SYNE2: variants seen among roughly 807,000 people sequenced by gnomAD.
The protein encoded by SYNE2 is spectrin repeat containing nuclear envelope protein 2.
A neutral mutation model predicts 856.3 loss-of-function variants in SYNE2; 431 were observed. The ratio of observed to expected loss-of-function variants is 0.50; its 90% CI spans 0.47 to 0.55. SYNE2 has a LOEUF of 0.55. SYNE2 is among the 20% of genes least tolerant of loss of function. The pLI is 0.00. For missense variants in SYNE2, 8,129 were observed against 8,023.2 expected (o/e 1.01, Z -0.50); for synonymous variants, 2,923 against 2,872.3 (o/e 1.02, Z -0.56).
At chr14:64,096,644 T>C (rs1418526243) in intron 61 of SYNE2, among the ~76,000 whole-genome samples, 1 of 152,182 alleles carries the variant, frequency 6.6e-6, no homozygotes, top group Non-Finnish European at 1.5e-5. Flanking sequence ...CACAGAAATT[T>C]TGACTTCAGA....
intron 1 of SYNE2, among the ~76,000 whole-genome samples, chr14:63,847,192 A>G (rs1171920290): frequency 6.6e-6 from 1 of 151,440 alleles, no homozygotes; most frequent in Non-Finnish European, 1.5e-5. Context: ...CGCCTATAGT[A>G]CCAGTACTTT....
chr14:64,209,949 A>T lies in SYNE2; in HGVS notation c.18548A>T (p.Gln6183Leu), dbSNP rs2140153505. The T allele has an allele frequency of 6.2e-7, 1 of 1,614,100 alleles. No homozygotes were observed. The highest frequency in any genetic ancestry group is 1.1e-5 in the South Asian group (1 of 91,084). ...CCCTCCCATGTGATGCAGGCCTTTC[A>T]GCGGCAGATTCATGAGCGGCTCACT... ...KEELKRFEAF[Q>L]RQIHERLTQL... The change falls in exon 103 of 116, where the codon CAG (glutamine) becomes CTG (leucine). Residue 6183 changes from glutamine (Q) to leucine (L), a missense_variant. By Grantham distance (113) the Gln-to-Leu change is moderately radical. Around this residue, in one of 3 missense-constraint regions of SYNE2, gnomAD observed 5,410 missense variants for 5,284.8 expected, o/e 1.02. Coordinates refer to ENST00000555002, the MANE Select transcript of SYNE2 (RefSeq NM_182914.3).
intron 7 of SYNE2, among the ~76,000 whole-genome samples, chr14:63,950,553 TCACACA>T (rs537515162): frequency 6.6e-6 from 1 of 151,694 alleles, no homozygotes; most frequent in Non-Finnish European, 1.5e-5. Context: ...GAAACTCTTG[TCACACA>T]CACACACATA....
At chr14:64,103,996 C>G (rs555979615) in intron 64 of SYNE2, among the ~76,000 whole-genome samples, 13 of 152,178 alleles carry the variant, frequency 8.5e-5, no homozygotes, top group African/African-American at 1.2e-4. Flanking sequence ...ACACCTGATA[C>G]GATTTCATGA....
intron 109 of SYNE2, 84 bp from the exon 110 acceptor site, chr14:64,219,124 T>TTTTTAA: frequency 4.7e-6 from 4 of 845,410 alleles, no homozygotes; most frequent in African/African-American, 1.9e-5. Context: ...TTTTTTTTTT[T>TTTTTAA]AACCACCCTG....
At chr14:63,961,494 C>T (rs1566917573) in intron 8 of SYNE2, 31 bp from the exon 9 acceptor site, 1 of 1,541,590 alleles carries the variant, frequency 6.5e-7, no homozygotes, top group East Asian at 2.2e-5. Flanking sequence ...AAATGTGTAA[C>T]AGCTAATTGA....
chr14:63,771,760 G>C lies in SYNE2; in HGVS notation c.-305+9774G>C, dbSNP rs184400135. Among the ~76,000 whole-genome samples, 398 of 152,144 alleles carry C rather than the reference G, an allele frequency of 2.6e-3. 4 individuals carry two copies. Among genetic ancestry groups the C allele is most frequent in the African/African-American group, 9.4e-3 (390 of 41,520 alleles). On this transcript the variant is annotated intron_variant, in intron 1 of 23. Transcript: ENST00000674003. Reference sequence around the variant, plus strand: ...TAAAAAAATAACGAAAATTAGCTGGGTGTGTGTGTGCCTGTAATTCCAGCT... The same window carrying C: ...TAAAAAAATAACGAAAATTAGCTGGCTGTGTGTGTGCCTGTAATTCCAGCT...
rs1439073887 is a variant in SYNE2 at position 64,021,770 on chromosome 14, T to C, written c.5353-87T>C. 29 of 1,461,968 alleles carry C rather than the reference T, an allele frequency of 2.0e-5. 1 individual carries two copies. Among genetic ancestry groups the C allele is most frequent in the Non-Finnish European group, 2.6e-5 (27 of 1,049,376 alleles). The allele number at this position is 1,461,968 out of a possible 1,614,324, so 90.6% of individuals were successfully genotyped here. The stretch of plus-strand genomic sequence containing the variant: ...CCACTCAACAGAGAGTCATTGAGAT[T>C]TTTACAAAACAATTGAGATCTAATA... On this transcript the variant is annotated intron_variant, in intron 36 of 115. Transcript: ENST00000555002.
At chr14:64,156,696 T>TG (rs1221370179) in intron 85 of SYNE2, among the ~76,000 whole-genome samples, 8 of 152,012 alleles carry the variant, frequency 5.3e-5, no homozygotes, top group African/African-American at 1.9e-4. Flanking sequence ...TGACCTTAGG[T>TG]GATCCAACCA....
intron 2 of SYNE2, among the ~76,000 whole-genome samples, chr14:63,911,402 C>T (rs2095472046): frequency 6.6e-6 from 1 of 152,184 alleles, no homozygotes; most frequent in South Asian, 2.1e-4. Context: ...TTATACATAT[C>T]AAGTAATATT....
chr14:63,999,928 A>G (rs1374228430), intron 27 of SYNE2, among the ~76,000 whole-genome samples: 1 of 152,224 alleles, frequency 6.6e-6, no homozygotes, highest in African/African-American at 2.4e-5. Context: ...TGTTTTCATC[A>G]CAATTAAGCA....
chr14:64,002,806 A>G lies in SYNE2; in HGVS notation c.3873A>G (p.Pro1291=), dbSNP rs1327345507. The G allele has an allele frequency of 6.2e-7, 1 of 1,604,636 alleles. No individual in the cohort carries two copies. Among genetic ancestry groups the G allele is most frequent in the Non-Finnish European group, 8.5e-7 (1 of 1,176,044 alleles). The stretch of plus-strand genomic sequence containing the variant: ...ACTTTGTATTAAAGGAGTTACACCC[A>G]TTTGATCTACACGCAATGCAGAATA... ...PGNFVLKELH[P]FDLHAMQNII... Residue 1291 remains proline, a synonymous_variant, in exon 30 of 116, where the codon CCA becomes CCG. Transcript: ENST00000555002.
At chr14:64,173,407 C>T (rs2098420011) in intron 94 of SYNE2, among the ~76,000 whole-genome samples, 1 of 152,096 alleles carries the variant, frequency 6.6e-6, no homozygotes, top group African/African-American at 2.4e-5. Context: ...GTTGCTGTTT[C>T]TCTTATTTGT....
intron 107 of SYNE2, chr14:64,215,981 A>G (rs2098664507): frequency 1.4e-6 from 2 of 1,395,740 alleles, no homozygotes; most frequent in Non-Finnish European, 1.9e-6. Context: ...TGTCCCTACC[A>G]CTCGAGACCC....
At position 64,132,439 on chromosome 14, in the gene SYNE2, G is replaced by A; in HGVS notation, c.14514+1G>A. 1 of 1,614,124 alleles carries A rather than the reference G, an allele frequency of 6.2e-7. No individual in the cohort carries two copies. Among genetic ancestry groups the A allele is most frequent in the Non-Finnish European group, 8.5e-7 (1 of 1,180,006 alleles). ...TATGAAGCTGCAGAGTTTGTTGCAG[G>A]TATTTGGGTTATGTAAACGTTGTAC... On this transcript the variant is annotated splice_donor_variant, in intron 77 of 115. Transcript: ENST00000555002. LOFTEE classifies it high-confidence loss of function.
At chr14:63,863,809 T>C (rs1894423870) in intron 1 of SYNE2, among the ~76,000 whole-genome samples, 1 of 152,182 alleles carries the variant, frequency 6.6e-6, no homozygotes. Flanking sequence ...AAGATATGTT[T>C]TATTTTTTTA....
intron 105 of SYNE2, among the ~76,000 whole-genome samples, chr14:64,213,207 A>G (rs1376333255): frequency 1.3e-5 from 2 of 152,202 alleles, no homozygotes; most frequent in African/African-American, 4.8e-5. Flanking sequence ...CCCATTCCCC[A>G]GTGGAAAGCA....
At chr14:64,064,575 A>G (rs1245688890) in intron 50 of SYNE2, among the ~76,000 whole-genome samples, 1 of 136,958 alleles carries the variant, frequency 7.3e-6, no homozygotes, top group Non-Finnish European at 1.5e-5. Flanking sequence ...TTTAAATAAG[A>G]CAGGGTCTTG....
intron 10 of SYNE2, among the ~76,000 whole-genome samples, chr14:63,965,910 C>T (rs1303662596): frequency 1.3e-5 from 2 of 152,266 alleles, no homozygotes; most frequent in African/African-American, 4.8e-5. Flanking sequence ...ATTGTTCTCA[C>T]ATATGTCTTT....
Sources: allele counts gnomAD v4.1 joint callset (sites outside exome capture counted in the v4.1 genomes callset), GRCh38; gene constraint gnomAD v4.1.1; regional missense constraint gnomAD v4.1.1; transcripts MANE v1.5; gene names NCBI Gene and HGNC (gene_info 2026-07-23, HGNC 2026-07-21).